GRIK4: variants seen among roughly 807,000 people sequenced by gnomAD.
The protein encoded by GRIK4 is glutamate ionotropic receptor kainate type subunit 4.
In GRIK4, 40 loss-of-function variants were observed where a neutral mutation model predicts 104.9. The ratio of observed to expected loss-of-function variants is 0.38; its 90% confidence interval spans 0.30 to 0.50. GRIK4 has a LOEUF of 0.50. Ranked by LOEUF, GRIK4 falls within the 20% of genes least tolerant of loss-of-function variation. The pLI is 0.93. For synonymous variants in GRIK4, 485 were observed against 524.9 expected (o/e 0.92, Z 1.04); for missense variants, 1,047 against 1,308.1 (o/e 0.80, Z 3.08).
Position 120,919,715 on chromosome 11 carries a change from T to G in GRIK4, c.1476+14222T>G, listed in dbSNP as rs192830387. Among the ~76,000 whole-genome samples, 383 of 152,282 alleles carry G rather than the reference T, an allele frequency of 2.5e-3. 2 individuals carry two copies. Among genetic ancestry groups the G allele is most frequent in the African/African-American group, 8.4e-3 (350 of 41,554 alleles). On this transcript the variant is annotated intron_variant, in intron 13 of 20. Transcript: ENST00000527524. ...TACTGAATAATTCAAAGGAAGGCTT[T>G]AATGATGGTAGGGGCAGTGAGAGTC... is the stretch of plus-strand genomic sequence containing the variant.
chr11:120,624,138 A>G (rs1209054650), intron 1 of GRIK4, among the ~76,000 whole-genome samples: 1 of 152,202 alleles, frequency 6.6e-6, no homozygotes, highest in Admixed American at 6.5e-5. Flanking sequence ...AACACAAGAT[A>G]GTGTTTTTAA....
chr11:120,853,065 C>A (rs777297856), intron 8 of GRIK4, among the ~76,000 whole-genome samples: 19 of 152,278 alleles, frequency 1.2e-4, no homozygotes, highest in Admixed American at 3.9e-4. Flanking sequence ...GCATTTCTTT[C>A]AAATGGCATC....
rs748854892 is a variant in GRIK4 at position 120,986,168 on chromosome 11, C to A, written c.2779C>A (p.Arg927Ser). 1 of 1,552,614 alleles carries A rather than the reference C, an allele frequency of 6.4e-7. No individual in the cohort carries two copies. Among genetic ancestry groups the A allele is most frequent in the Non-Finnish European group, 8.6e-7 (1 of 1,158,730 alleles). ...CATCCGCGTCTGCCCCGAGTGCCGC[C>A]GCTTCCAGGGCCTGCGGGCACGGCC... ...THIRVCPECR[R>S]FQGLRARPSP... Residue 927 changes from arginine to serine, a missense_variant, in exon 21 of 21, where the codon CGC (arginine) becomes AGC (serine). Arg to Ser is a moderately radical substitution (Grantham distance 110). This residue lies in a region of GRIK4 where 160 missense variants were observed against 140.9 expected (regional missense o/e 1.14). Coordinates refer to ENST00000527524, the MANE Select transcript of GRIK4 (RefSeq NM_014619.5).
At chr11:120,568,376 ATTCTT>A (rs778682262) in intron 1 of GRIK4, among the ~76,000 whole-genome samples, 5 of 145,860 alleles carry the variant, frequency 3.4e-5, no homozygotes, top group Non-Finnish European at 5.9e-5. Flanking sequence ...CTTTCCAGGC[ATTCTT>A]TTCTTTTCTT....
chr11:120,937,534 T>TCCTGTCTCCTTC (rs1403210372), intron 13 of GRIK4, among the ~76,000 whole-genome samples: 5 of 152,180 alleles, frequency 3.3e-5, no homozygotes, highest in African/African-American at 1.2e-4. Context: ...CACTGCCCTT[T>TCCTGTCTCCTTC]CCTGTCTCCT....
At chr11:120,873,595 C>T (rs1232101843) in intron 9 of GRIK4, 1 of 158,312 alleles carries the variant, frequency 6.3e-6, no homozygotes, top group Admixed American at 6.3e-5. Flanking sequence ...ATATTAGGCA[C>T]ATTTAGGAAG....
chr11:120,550,855 T>G (rs1948132540), intron 1 of GRIK4, among the ~76,000 whole-genome samples: 1 of 151,938 alleles, frequency 6.6e-6, no homozygotes. Context: ...AACCGTTCTT[T>G]GAGGAGTACT....
At chr11:120,553,620 G>C (rs1358195865) in intron 1 of GRIK4, among the ~76,000 whole-genome samples, 4 of 152,084 alleles carry the variant, frequency 2.6e-5, no homozygotes, top group African/African-American at 4.8e-5. Context: ...CCTGAACTCA[G>C]GGGTTATATT....
chr11:120,564,913 C>G (rs1948295988), intron 1 of GRIK4, among the ~76,000 whole-genome samples: 1 of 152,202 alleles, frequency 6.6e-6, no homozygotes, highest in Non-Finnish European at 1.5e-5. Context: ...CAGCTCCTCT[C>G]CCAGCTCCCC....
chr11:120,524,520 A>C lies in GRIK4; in HGVS notation c.-159+12633A>C, dbSNP rs3897570. ...GAGCTGAACCAGTACAAAGAGTAAC[A>C]CCAGGCCTACCTGGACCTTGGCTCC... On this transcript the variant is annotated intron_variant, in intron 1 of 20. Transcript: ENST00000527524. The surrounding 1 kb of genome is among the most constrained non-coding windows in gnomAD (Gnocchi z 4.5). Among the ~76,000 whole-genome samples the C allele has an allele frequency of 0.11, 16,367 of 152,204 alleles. 1,149 individuals carry two copies. Among genetic ancestry groups the C allele is most frequent in the African/African-American group, 0.2 (8,180 of 41,494 alleles).
intron 1 of GRIK4, among the ~76,000 whole-genome samples, chr11:120,647,576 G>A (rs572161611): frequency 6.6e-6 from 1 of 152,148 alleles, no homozygotes; most frequent in Non-Finnish European, 1.5e-5. Context: ...ACCATCCTTC[G>A]AACAGCCCTT....
intron 8 of GRIK4, among the ~76,000 whole-genome samples, chr11:120,854,585 G>A (rs552977859): frequency 1.3e-5 from 2 of 152,206 alleles, no homozygotes; most frequent in Admixed American, 6.5e-5. Flanking sequence ...GCGTGATCTG[G>A]TGGGCTTCAG....
In GRIK4 at chr11:120,898,619, C is replaced by G. The variant is rs778132486; in HGVS notation, c.1252C>G (p.Leu418Val). ...NISDTLFNTT[L>V]VVTTILENPY... ...CTCGGACACTCTCTTCAACACCACCCTGGTCGTCACCACCATCCTGGTAAG... is the reference window on the plus strand; with the variant it reads ...CTCGGACACTCTCTTCAACACCACCGTGGTCGTCACCACCATCCTGGTAAG... The change falls in exon 12 of 21, where the codon CTG (leucine) becomes GTG (valine). Residue 418 changes from leucine to valine, a missense_variant. Coordinates refer to ENST00000527524, the MANE Select transcript of GRIK4 (RefSeq NM_014619.5). 3.7e-6 allele frequency: 6 copies of G among 1,606,194 alleles called. No homozygotes were observed. The highest frequency in any genetic ancestry group is 1.7e-5 in the Admixed American group (1 of 60,000).
intron 1 of GRIK4, among the ~76,000 whole-genome samples, chr11:120,573,349 A>G (rs867799117): frequency 2.0e-5 from 3 of 152,202 alleles, no homozygotes; most frequent in African/African-American, 7.2e-5. Flanking sequence ...CACAGCTTCC[A>G]AGAGCTGGGC....
intron 1 of GRIK4, among the ~76,000 whole-genome samples, chr11:120,599,609 T>G (rs1162891466): frequency 6.6e-6 from 1 of 152,202 alleles, no homozygotes; most frequent in Non-Finnish European, 1.5e-5. Context: ...CCCCCTAGCC[T>G]CCCTCTTGTG....
chr11:120,699,990 G>A lies in GRIK4; in HGVS notation c.82+39590G>A, dbSNP rs76493078. ...GAACGTTTGAGCAAAGTAAGGCCAT[G>A]ATTGGACTTCAAATTTTTTACAGAA... On this transcript the variant is annotated intron_variant, in intron 3 of 20. Transcript: ENST00000527524. 7.7e-3 allele frequency among the ~76,000 whole-genome samples: 1,177 copies of A among 152,318 alleles called. 14 individuals carry two copies. The highest frequency in any genetic ancestry group is 0.027 in the African/African-American group (1,137 of 41,566).
At chr11:120,619,920 A>T in intron 1 of GRIK4, 1 of 350,894 alleles carries the variant, frequency 2.8e-6, no homozygotes, top group Non-Finnish European at 5.2e-6. Context: ...GTGTATTATA[A>T]TTTATTTTAT....
chr11:120,971,336 T>C (rs1274777498), intron 19 of GRIK4, among the ~76,000 whole-genome samples: 1 of 152,248 alleles, frequency 6.6e-6, no homozygotes, highest in Non-Finnish European at 1.5e-5. Flanking sequence ...CTGCCATCAG[T>C]ATTTGATGAA....
chr11:120,823,948 A>G (rs528383679), intron 6 of GRIK4, among the ~76,000 whole-genome samples: 1 of 152,332 alleles, frequency 6.6e-6, no homozygotes, highest in African/African-American at 2.4e-5. Context: ...AGAGGATTAA[A>G]AATCTAATCA....
Sources: allele counts gnomAD v4.1 joint callset (sites outside exome capture counted in the v4.1 genomes callset), GRCh38; gene constraint gnomAD v4.1.1; regional missense constraint gnomAD v4.1.1; non-coding constraint Gnocchi (gnomAD v3.1); transcripts MANE v1.5; gene names NCBI Gene and HGNC (gene_info 2026-07-23, HGNC 2026-07-21).